The following ERBB4 variants were observed in gnomAD, a reference collection of about 807,000 sequenced individuals.
ERBB4 encodes receptor tyrosine-protein kinase erbB-4.
Under a neutral mutation model 158.0 loss-of-function variants are expected in ERBB4, and 42 were observed. That is an observed-to-expected ratio of 0.27 (90% CI 0.21 to 0.34). The LOEUF (loss-of-function observed/expected upper bound fraction) is 0.34, where lower values mean the gene tolerates loss of function less well. Ranked by LOEUF, ERBB4 falls within the 10% of genes least tolerant of loss-of-function variation. The probability of loss-of-function intolerance (pLI) is 1.00; values close to 1 mark genes in which losing one functional copy is unlikely to be tolerated. For synonymous variants in ERBB4, 583 were observed against 558.7 expected (o/e 1.04, Z -0.61); for missense variants, 1,333 against 1,624.1 (o/e 0.82, Z 3.08).
intron 1 of ERBB4, among the ~76,000 whole-genome samples, chr2:212,192,806 ATAT>A (rs1252651186): frequency 0.013 from 1,956 of 152,014 alleles, 37 homozygotes; most frequent in African/African-American, 0.045. Context: ...CAATAGTGTG[ATAT>A]CTGAAAAGTT....
intron 3 of ERBB4, among the ~76,000 whole-genome samples, chr2:211,936,178 T>C (rs1029469711): frequency 1.3e-5 from 2 of 151,816 alleles, no homozygotes; most frequent in African/African-American, 4.8e-5. Flanking sequence ...AAAATCAAAA[T>C]GACATACTTA....
chr2:212,363,396 G>C (rs1019412781), intron 1 of ERBB4, among the ~76,000 whole-genome samples: 2 of 151,326 alleles, frequency 1.3e-5, no homozygotes, highest in African/African-American at 4.8e-5. Flanking sequence ...CATAGCTACA[G>C]ATAATACCTA....
chr2:212,394,591 G>A (rs531810666), intron 1 of ERBB4, among the ~76,000 whole-genome samples: 4 of 151,964 alleles, frequency 2.6e-5, no homozygotes, highest in Non-Finnish European at 4.4e-5. Flanking sequence ...TTAGAGATCA[G>A]AAAAGATGTT....
intron 1 of ERBB4, among the ~76,000 whole-genome samples, chr2:212,386,899 G>T (rs1284104083): frequency 6.6e-6 from 1 of 151,822 alleles, no homozygotes; most frequent in Non-Finnish European, 1.5e-5. Context: ...CAATGATTTT[G>T]TCTTATTCAT....
At chr2:211,579,193 CA>C (rs1261111126) in intron 19 of ERBB4, among the ~76,000 whole-genome samples, 1 of 151,636 alleles carries the variant, frequency 6.6e-6, no homozygotes, top group Admixed American at 6.6e-5. Context: ...AACAAACATA[CA>C]AAAAAAGTTT....
At chr2:211,861,017 TATATATATATAAATATA>T (rs2078005022) in intron 3 of ERBB4, among the ~76,000 whole-genome samples, 1 of 10,378 alleles carries the variant, frequency 9.6e-5, no homozygotes, top group Non-Finnish European at 1.4e-4. Flanking sequence ...TTTATATATT[TATATATATATAAATATA>T]ATATATTTAT....
At chr2:212,009,067 CTAAACAG>C (rs2076321809) in intron 2 of ERBB4, among the ~76,000 whole-genome samples, 2 of 74,932 alleles carry the variant, frequency 2.7e-5, no homozygotes, top group African/African-American at 7.7e-5. Flanking sequence ...ATATGTTTTT[CTAAACAG>C]AAATTTTAGT....
chr2:212,418,553 A>G lies in ERBB4; in HGVS notation c.82+119896T>C, dbSNP rs998692795. On this transcript the variant is annotated intron_variant, in intron 1 of 27. Coordinates refer to ENST00000342788, the MANE Select transcript of ERBB4 (RefSeq NM_005235.3). ...AAAATAAACATATATATATATATGT[A>G]TATTTGAAGTCCATAAAATAAAATG... Among the ~76,000 whole-genome samples, 10 of 150,940 alleles carry G rather than the reference A, an allele frequency of 6.6e-5. No homozygotes were observed. The South Asian group carries it at 2.1e-3, about 31-fold the overall frequency.
intron 11 of ERBB4, 33 bp from the exon 12 acceptor site, chr2:211,702,199 G>GAAAC: frequency 6.5e-7 from 1 of 1,530,068 alleles, no homozygotes; most frequent in Non-Finnish European, 9.1e-7. Context: ...ACGGAACCAT[G>GAAAC]AAACGCATTC....
At chr2:212,228,644 G>T (rs767884846) in intron 1 of ERBB4, among the ~76,000 whole-genome samples, 4 of 151,976 alleles carry the variant, frequency 2.6e-5, no homozygotes, top group Non-Finnish European at 4.4e-5. Context: ...TGAGATGGCA[G>T]ATAAAAAAAA....
chr2:212,168,680 A>G (rs566581264), intron 1 of ERBB4, among the ~76,000 whole-genome samples: 2 of 152,318 alleles, frequency 1.3e-5, no homozygotes, highest in South Asian at 4.1e-4. Context: ...CATGTAGCAC[A>G]TGACATTTGA....
intron 1 of ERBB4, among the ~76,000 whole-genome samples, chr2:212,134,591 A>G (rs1168838701): frequency 6.6e-6 from 1 of 150,970 alleles, no homozygotes; most frequent in Non-Finnish European, 1.5e-5. Flanking sequence ...CCTATTATGT[A>G]TTATCTGAAT....
chr2:211,539,928 T>C (rs1334481718), intron 20 of ERBB4, among the ~76,000 whole-genome samples: 1 of 151,992 alleles, frequency 6.6e-6, no homozygotes, highest in African/African-American at 2.4e-5. Flanking sequence ...CATTAGGTTA[T>C]GTAATAATGT....
intron 20 of ERBB4, among the ~76,000 whole-genome samples, chr2:211,556,882 A>C (rs2067250259): frequency 6.6e-6 from 1 of 152,354 alleles, no homozygotes; most frequent in East Asian, 1.9e-4. Flanking sequence ...TATGGTATCC[A>C]ACACAGCATG....
rs1181991063 is a variant in ERBB4, at chr2:211,970,569, G to A, written c.235-22953C>T. Among the ~76,000 whole-genome samples, 4 of 152,152 alleles carry A rather than the reference G, an allele frequency of 2.6e-5. No individual in the cohort carries two copies. In the East Asian group the frequency reaches 7.7e-4, roughly 29 times the overall value. ...GAATCTAGGTGCTCCTGTGTGGGAAGTATATAGATTTACAATAGTTAGATC... is the reference window on the plus strand; with the variant it reads ...GAATCTAGGTGCTCCTGTGTGGGAAATATATAGATTTACAATAGTTAGATC... On this transcript the variant is annotated intron_variant, in intron 2 of 27. Coordinates refer to ENST00000342788, the MANE Select transcript of ERBB4 (RefSeq NM_005235.3).
rs376553665 is a variant in ERBB4, at chr2:212,128,755, C to T, written c.83-3852G>A. Among the ~76,000 whole-genome samples, 7 of 152,072 alleles carry T rather than the reference C, an allele frequency of 4.6e-5. No homozygotes were observed. In the East Asian group the frequency reaches 5.8e-4, roughly 13 times the overall value. On this transcript the variant is annotated intron_variant, in intron 1 of 27. Coordinates refer to ENST00000342788, the MANE Select transcript of ERBB4 (RefSeq NM_005235.3). ...ATTACAGTATCATTCCTAACCATAA[C>T]GACATTTTATTGGCTCTGTGGAATG...
chr2:211,599,455 G>A (rs549091239), intron 19 of ERBB4, among the ~76,000 whole-genome samples: 100 of 146,820 alleles, frequency 6.8e-4, no homozygotes, highest in African/African-American at 1.8e-3. Context: ...TTCAATTACC[G>A]TCAGCCTGTG....
At chr2:211,897,595 A>T (rs2079130993) in intron 3 of ERBB4, among the ~76,000 whole-genome samples, 1 of 151,944 alleles carries the variant, frequency 6.6e-6, no homozygotes, top group African/African-American at 2.4e-5. Flanking sequence ...TCCCTCCTTG[A>T]CCCTGCCTCA....
chr2:211,771,237 G>C (rs1362132148), intron 4 of ERBB4, among the ~76,000 whole-genome samples: 1 of 152,166 alleles, frequency 6.6e-6, no homozygotes, highest in African/African-American at 2.4e-5. Flanking sequence ...TGGACATGAC[G>C]AACCTTGGCC....
Sources: gnomAD v4.1 joint callset for allele counts (sites outside exome capture counted in the v4.1 genomes callset) on GRCh38, gnomAD v4.1.1 for gene constraint, MANE v1.5 for transcripts, NCBI Gene and HGNC (gene_info 2026-07-23, HGNC 2026-07-21) for gene names.